Variants in AKAP6 observed in about 807,000 individuals in gnomAD.
AKAP6 encodes A-kinase anchor protein 6.
Under a neutral mutation model 188.5 loss-of-function variants are expected in AKAP6, and 58 were observed. The ratio of observed to expected loss-of-function variants is 0.31; its 90% CI spans 0.25 to 0.38. The LOEUF is 0.38. AKAP6 is among the 10% of genes least tolerant of loss of function. The probability of loss-of-function intolerance (pLI) is 1.00; values close to 1 mark genes in which losing one functional copy is unlikely to be tolerated. For synonymous variants in AKAP6, 989 were observed against 998.6 expected, an observed-to-expected ratio of 0.99 and a Z score of 0.18; for missense variants, 2,710 against 2,740.0, an observed-to-expected ratio of 0.99 and a Z score of 0.24.
intron 7 of AKAP6, among the ~76,000 whole-genome samples, chr14:32,628,673 T>C (rs1178802963): frequency 6.6e-6 from 1 of 151,140 alleles, no homozygotes; most frequent in Non-Finnish European, 1.5e-5. Context: ...ATAATATATA[T>C]CTCCTTTCCT....
chr14:32,782,987 A>G (rs2033297934), intron 12 of AKAP6, among the ~76,000 whole-genome samples: 1 of 152,174 alleles, frequency 6.6e-6, no homozygotes, highest in Non-Finnish European at 1.5e-5. Context: ...TGGAGGATTT[A>G]TACCTCCTGA....
In AKAP6 at chr14:32,821,910, T is replaced by A. The variant is rs1281498387; in HGVS notation, c.4097T>A (p.Ile1366Asn). 2.5e-6 allele frequency: 4 copies of A among 1,613,692 alleles called. No individual in the cohort carries two copies. The highest frequency in any genetic ancestry group is 1.7e-5 in the Admixed American group (1 of 59,896). Residue 1366 changes from isoleucine (I) to asparagine (N), a missense_variant, in exon 13 of 14, where the codon ATT (isoleucine) becomes AAT (asparagine). Transcript: ENST00000280979. ...CAGAATTCAGGCAGTGAGAGTGGAA[T>A]TGTCAGTGAAGGAGACACAGAAACC... ...MSQNSGSESG[I>N]VSEGDTETTT...
At chr14:32,682,421 T>C (rs917246579) in intron 8 of AKAP6, among the ~76,000 whole-genome samples, 1 of 152,234 alleles carries the variant, frequency 6.6e-6, no homozygotes, top group Non-Finnish European at 1.5e-5. Context: ...TCATGTTCAC[T>C]GCACTCTCTC....
intron 1 of AKAP6, among the ~76,000 whole-genome samples, chr14:32,394,586 C>T (rs1003071059): frequency 2.0e-5 from 3 of 152,258 alleles, no homozygotes; most frequent in South Asian, 4.1e-4. Context: ...CACATCAGTT[C>T]GTAGTTCTCT....
chr14:32,780,727 G>T (rs141553303), intron 12 of AKAP6, among the ~76,000 whole-genome samples: 36 of 152,250 alleles, frequency 2.4e-4, no homozygotes, highest in African/African-American at 7.7e-4. Flanking sequence ...GCTTCAGCCT[G>T]AGACTAGCCT....
intron 12 of AKAP6, among the ~76,000 whole-genome samples, chr14:32,783,112 T>C (rs1475504385): frequency 6.6e-6 from 1 of 152,112 alleles, no homozygotes; most frequent in African/African-American, 2.4e-5. Flanking sequence ...TACACATAAA[T>C]GGTCAATTAA....
At chr14:32,395,844 A>G (rs1415687457) in intron 1 of AKAP6, among the ~76,000 whole-genome samples, 1 of 152,108 alleles carries the variant, frequency 6.6e-6, no homozygotes, top group Non-Finnish European at 1.5e-5. Flanking sequence ...ATATTGCATT[A>G]TGTCCATTTG....
intron 12 of AKAP6, among the ~76,000 whole-genome samples, chr14:32,820,986 TC>T (rs33918862): frequency 0.18 from 27,054 of 151,932 alleles, 3,286 homozygotes; most frequent in African/African-American, 0.35. Flanking sequence ...CAGATAGTAT[TC>T]TACTATGGAC....
At chr14:32,353,017 T>C (rs1887343139) in intron 1 of AKAP6, among the ~76,000 whole-genome samples, 1 of 151,950 alleles carries the variant, frequency 6.6e-6, no homozygotes, top group Non-Finnish European at 1.5e-5. Flanking sequence ...CTACCAAGAG[T>C]GTATCAGGGT....
chr14:32,788,954 G>T (rs1444086092), intron 12 of AKAP6, among the ~76,000 whole-genome samples: 1 of 152,204 alleles, frequency 6.6e-6, no homozygotes, highest in Non-Finnish European at 1.5e-5. Flanking sequence ...GCTGGAGTCT[G>T]CCTGAGACAG....
chr14:32,382,584 G>C (rs1430738172), intron 1 of AKAP6, among the ~76,000 whole-genome samples: 1 of 152,146 alleles, frequency 6.6e-6, no homozygotes, highest in Non-Finnish European at 1.5e-5. Flanking sequence ...AATTTGTTGA[G>C]TGCTTTGTGC....
In AKAP6 at chr14:32,835,335, A is replaced by T. The variant is rs1004692660; in HGVS notation, c.*5530A>T. The T allele has an allele frequency of 6.6e-6, 1 of 152,166 alleles. No individual in the cohort carries two copies. The highest frequency in any genetic ancestry group is 2.4e-5 in the African/African-American group (1 of 41,438). The allele number at this position is 152,166 out of a possible 1,614,324, so 9.4% of individuals were successfully genotyped here. A position where few individuals can be genotyped will look rare whatever the true frequency, so the allele number is the denominator to read the frequency against. On this transcript the variant is annotated 3_prime_UTR_variant, in exon 14 of 14. Transcript: ENST00000280979. ...CTTGTTTCATATTACCTTAAAAAATAAAGTGCACTTAAAGATTGTTTCACA... is the reference window on the plus strand; with the variant it reads ...CTTGTTTCATATTACCTTAAAAAATTAAGTGCACTTAAAGATTGTTTCACA...
chr14:32,431,715 T>C (rs1385833465), intron 1 of AKAP6, among the ~76,000 whole-genome samples: 1 of 152,190 alleles, frequency 6.6e-6, no homozygotes, highest in East Asian at 1.9e-4. Flanking sequence ...GGTTTCACCA[T>C]GTTGGCTAGG....
rs763555992 is a variant in AKAP6, at chr14:32,547,524, C to A, written c.2346+525C>A. On this transcript the variant is annotated intron_variant, in intron 4 of 13. Transcript: ENST00000280979. Reference sequence around the variant, plus strand: ...CCTCTTTGAGAACTCTGGCTAATAACCATATTACCTATACATGTACCACCC... The same window carrying A: ...CCTCTTTGAGAACTCTGGCTAATAAACATATTACCTATACATGTACCACCC... 1.8e-4 allele frequency among the ~76,000 whole-genome samples: 28 copies of A among 152,046 alleles called. 1 individual carries two copies. The highest frequency in any genetic ancestry group is 2.9e-4 in the Non-Finnish European group (20 of 68,012).
chr14:32,554,512 G>GT (rs1362708866), intron 4 of AKAP6, among the ~76,000 whole-genome samples: 1 of 152,158 alleles, frequency 6.6e-6, no homozygotes, highest in East Asian at 1.9e-4. Context: ...GTGAGAGCTG[G>GT]TATTCCAGCT....
chr14:32,807,295 C>T (rs944305409), intron 12 of AKAP6, among the ~76,000 whole-genome samples: 4 of 148,682 alleles, frequency 2.7e-5, no homozygotes, highest in Admixed American at 2.0e-4. Flanking sequence ...CACTGCACTC[C>T]ATCCTGGATG....
chr14:32,384,014 T>C (rs1400500686), intron 1 of AKAP6, among the ~76,000 whole-genome samples: 1 of 152,228 alleles, frequency 6.6e-6, no homozygotes. Context: ...AAGGGTAGGC[T>C]GTTAATGGAC....
chr14:32,825,796 G>A (rs1213453937), intron 13 of AKAP6, among the ~76,000 whole-genome samples: 4 of 152,042 alleles, frequency 2.6e-5, no homozygotes, highest in East Asian at 1.9e-4. Context: ...GCTTAATGCC[G>A]TCACCTAAAC....
At chr14:32,660,907 A>G (rs1454083702) in intron 7 of AKAP6, among the ~76,000 whole-genome samples, 2 of 132,238 alleles carry the variant, frequency 1.5e-5, no homozygotes, top group Non-Finnish European at 3.1e-5. Context: ...CTAGCTCTAT[A>G]TATTTTCTTC....
Sources: gnomAD v4.1 joint callset for allele counts (sites outside exome capture counted in the v4.1 genomes callset) on GRCh38, gnomAD v4.1.1 for gene constraint, MANE v1.5 for transcripts, NCBI Gene and HGNC (gene_info 2026-07-23, HGNC 2026-07-21) for gene names.